The following ZNF670 variants were observed in gnomAD, a reference collection of about 807,000 sequenced individuals.
ZNF670 encodes zinc finger protein 670.
Under a neutral mutation model 10.9 loss-of-function variants are expected in ZNF670, and 7 were observed. The observed-to-expected ratio is 0.64, with a 90% CI of 0.36 to 1.20. The LOEUF (loss-of-function observed/expected upper bound fraction) is 1.20, where lower values mean the gene tolerates loss of function less well. Ranked by LOEUF, ZNF670 falls within the 50% of genes most tolerant of loss-of-function variation. The pLI is 0.02. For synonymous variants in ZNF670, 136 were observed against 152.7 expected (o/e 0.89, Z 0.81); for missense variants, 446 against 458.6 (o/e 0.97, Z 0.25).
intron 1 of ZNF670, among the ~76,000 whole-genome samples, chr1:247,042,525 G>C (rs986321623): frequency 2.6e-5 from 4 of 152,170 alleles, no homozygotes; most frequent in East Asian, 1.9e-4. Context: ...TTCTGTTGAG[G>C]GTAGGTGGAA....
chr1:247,072,845 C>CACAG (rs375247639), intron 1 of ZNF670, among the ~76,000 whole-genome samples: 1 of 78,776 alleles, frequency 1.3e-5, no homozygotes, highest in Non-Finnish European at 2.5e-5. Context: ...TATATGCATA[C>CACAG]ACACACATAC....
rs1670151112 is a variant in ZNF670 at position 247,036,405 on chromosome 1, C to T, written c.*1044G>A. ...TGGTAGCTCATGTCAGTAACCCCAACATGTAGACAGGCTGAGGCAGGAGGA... is the reference window on the plus strand; with the variant it reads ...TGGTAGCTCATGTCAGTAACCCCAATATGTAGACAGGCTGAGGCAGGAGGA... On this transcript the variant is annotated 3_prime_UTR_variant, in exon 4 of 4. Transcript: ENST00000366503. Among the ~76,000 whole-genome samples the T allele has an allele frequency of 6.6e-6, 1 of 152,156 alleles. No individual in the cohort carries two copies.
intron 1 of ZNF670, among the ~76,000 whole-genome samples, chr1:247,076,658 CTT>C (rs553387815): frequency 1.4e-5 from 2 of 139,882 alleles, no homozygotes; most frequent in Non-Finnish European, 1.5e-5. Context: ...AATAAACTCT[CTT>C]TTTTTTTTTT....
chr1:247,036,893 C>CACACAT lies in ZNF670; in HGVS notation c.*555_*556insATGTGT, dbSNP rs1246932309. 1 of 152,820 alleles carries CACACAT rather than the reference C, an allele frequency of 6.5e-6. No homozygotes were observed. Among genetic ancestry groups the CACACAT allele is most frequent in the Non-Finnish European group, 1.5e-5 (1 of 68,736 alleles). 9.5% of individuals were successfully genotyped at this position (152,820 alleles called of 1,614,324 possible). A position where few individuals can be genotyped will look rare whatever the true frequency, so the allele number is the denominator to read the frequency against. ...GAATACACACACACACACACACACA[C>CACACAT]ACACACACACATGAACTCATTTTTC... is the stretch of plus-strand genomic sequence containing the variant. On this transcript the variant is annotated 3_prime_UTR_variant, in exon 4 of 4. Transcript: ENST00000366503.
intron 1 of ZNF670, among the ~76,000 whole-genome samples, chr1:247,053,562 T>A (rs1214190008): frequency 6.6e-6 from 1 of 151,994 alleles, no homozygotes; most frequent in East Asian, 1.9e-4. Context: ...CGTGAACCCG[T>A]GAGGTGGAGC....
chr1:247,074,912 T>G (rs1160564479), intron 1 of ZNF670, among the ~76,000 whole-genome samples: 1 of 152,200 alleles, frequency 6.6e-6, no homozygotes, highest in Non-Finnish European at 1.5e-5. Context: ...CTAGAAAGAA[T>G]GCCAGGACAA....
intron 1 of ZNF670, among the ~76,000 whole-genome samples, chr1:247,078,014 G>A (rs1187164148): frequency 6.6e-6 from 1 of 152,140 alleles, no homozygotes; most frequent in Non-Finnish European, 1.5e-5. Flanking sequence ...ATTAACCTCT[G>A]GTTACATAAC....
In ZNF670 at chr1:247,035,104, A is replaced by G. The variant is rs113870166; in HGVS notation, c.*2345T>C. 6.6e-6 allele frequency among the ~76,000 whole-genome samples: 1 copy of G among 152,358 alleles called. No individual in the cohort carries two copies. Among genetic ancestry groups the G allele is most frequent in the Non-Finnish European group, 1.5e-5 (1 of 68,034 alleles). On this transcript the variant is annotated 3_prime_UTR_variant, in exon 4 of 4. Coordinates refer to ENST00000366503, the MANE Select transcript of ZNF670 (RefSeq NM_033213.5). ...GTTTCTAATTCAGGTGACTTCTGTTATATTATGGAACCAGTTAGACAAAAG... is the reference window on the plus strand; with the variant it reads ...GTTTCTAATTCAGGTGACTTCTGTTGTATTATGGAACCAGTTAGACAAAAG...
Position 247,074,176 on chromosome 1 carries a change from G to A in ZNF670, c.3+4418C>T, listed in dbSNP as rs774766150. On this transcript the variant is annotated intron_variant, in intron 1 of 3. Coordinates refer to ENST00000366503, the MANE Select transcript of ZNF670 (RefSeq NM_033213.5). ...AAACAGACAGCGTAATTTTTTTTTC[G>A]CCTCTTAACTAATTAGCTGACCAAA... Among the ~76,000 whole-genome samples, 9 of 150,722 alleles carry A rather than the reference G, an allele frequency of 6.0e-5. No individual in the cohort carries two copies. The South Asian group carries it at 6.3e-4, about 11-fold the overall frequency.
chr1:247,078,600 CCA>C lies in ZNF670; in HGVS notation c.-6_-5del. ...ACCTGGCCGGCACACTCACCATTTC[CCA>C]GTCTCCGGTGTCTGGGGTCCTCCCT... On this transcript the variant is annotated 5_prime_UTR_variant, in exon 1 of 4. Transcript: ENST00000366503. 1 of 1,613,964 alleles carries C rather than the reference CCA, an allele frequency of 6.2e-7. No homozygotes were observed. Among genetic ancestry groups the C allele is most frequent in the East Asian group, 2.2e-5 (1 of 44,838 alleles).
intron 1 of ZNF670, among the ~76,000 whole-genome samples, chr1:247,050,976 C>T (rs1265753237): frequency 1.3e-5 from 2 of 151,546 alleles, no homozygotes; most frequent in Non-Finnish European, 2.9e-5. Context: ...TAAGGAGGTT[C>T]TATTTTGGTG....
At chr1:247,051,113 C>G (rs1168953186) in intron 1 of ZNF670, among the ~76,000 whole-genome samples, 1 of 151,726 alleles carries the variant, frequency 6.6e-6, no homozygotes, top group Non-Finnish European at 1.5e-5. Flanking sequence ...TCGAGACCAT[C>G]CTGGCTAACA....
rs75236352 is a variant in ZNF670, at chr1:247,059,962, T to C, written c.3+18632A>G. 4.4e-4 allele frequency among the ~76,000 whole-genome samples: 67 copies of C among 152,282 alleles called. 3 individuals are homozygous for C. The East Asian group carries it at 0.012, about 27-fold the overall frequency. On this transcript the variant is annotated intron_variant, in intron 1 of 3. Transcript: ENST00000366503. The stretch of plus-strand genomic sequence containing the variant: ...TGACAAAACTATGCAAAACTATACA[T>C]TTCTAATGATAGAAAAAAAGATCTG...
At chr1:247,073,330 G>T (rs565809659) in intron 1 of ZNF670, among the ~76,000 whole-genome samples, 4 of 152,144 alleles carry the variant, frequency 2.6e-5, no homozygotes, top group African/African-American at 7.2e-5. Flanking sequence ...GGTTAAATAG[G>T]TTCCCAAGCT....
At chr1:247,043,508 G>A in intron 1 of ZNF670, 1 of 654,134 alleles carries the variant, frequency 1.5e-6, no homozygotes, top group South Asian at 1.4e-5. Flanking sequence ...CAAAAGCTGG[G>A]ATAAGATTTT....
intron 1 of ZNF670, among the ~76,000 whole-genome samples, chr1:247,066,502 A>C (rs1670983350): frequency 1.3e-5 from 2 of 152,200 alleles, no homozygotes; most frequent in South Asian, 4.1e-4. Flanking sequence ...GAGCATGGTC[A>C]TGGATGCCCA....
At chr1:247,066,370 C>T (rs1670980174) in intron 1 of ZNF670, among the ~76,000 whole-genome samples, 1 of 152,036 alleles carries the variant, frequency 6.6e-6, no homozygotes, top group Non-Finnish European at 1.5e-5. Flanking sequence ...ATCCTAGCTG[C>T]GGGAGATCCT....
chr1:247,075,555 G>A (rs1239084687), intron 1 of ZNF670, among the ~76,000 whole-genome samples: 1 of 152,176 alleles, frequency 6.6e-6, no homozygotes, highest in Non-Finnish European at 1.5e-5. Context: ...CATGGGGGCA[G>A]GTCTTTCCCC....
chr1:247,076,757 C>T (rs1328542115), intron 1 of ZNF670, among the ~76,000 whole-genome samples: 4 of 150,264 alleles, frequency 2.7e-5, no homozygotes, highest in Non-Finnish European at 3.0e-5. Context: ...ACCTCCTGGC[C>T]TCAAGCGATT....
Sources: allele counts gnomAD v4.1 joint callset (sites outside exome capture counted in the v4.1 genomes callset), GRCh38; gene constraint gnomAD v4.1.1; transcripts MANE v1.5; gene names NCBI Gene and HGNC (gene_info 2026-07-23, HGNC 2026-07-21).